PACRG: variants seen among roughly 807,000 people sequenced by gnomAD.
PACRG encodes parkin coregulated gene protein.
PACRG carries 29 observed loss-of-function variants against 29.7 expected under a neutral mutation model. The observed-to-expected ratio is 0.98, with a 90% CI of 0.73 to 1.33. The LOEUF (loss-of-function observed/expected upper bound fraction) is 1.33. Ranked by LOEUF, PACRG falls within the 40% of genes most tolerant of loss-of-function variation. The pLI, the probability that PACRG is intolerant of heterozygous loss-of-function variation, is 0.00. For missense variants in PACRG, 279 were observed against 316.2 expected (o/e 0.88, Z 0.89); for synonymous variants, 116 against 118.7 (o/e 0.98, Z 0.15).
At chr6:162,868,293 G>GCTA (rs10679810) in intron 2 of PACRG, among the ~76,000 whole-genome samples, 21,725 of 152,116 alleles carry the variant, frequency 0.14, 2,261 homozygotes, top group African/African-American at 0.3. Flanking sequence ...CCTTTTCCCC[G>GCTA]CTATTACTAG....
intron 1 of PACRG, 98 bp downstream of exon 1, chr6:162,728,489 C>T: frequency 2.1e-6 from 3 of 1,445,802 alleles, no homozygotes; most frequent in Non-Finnish European, 1.9e-6. Context: ...GAGCCATGTC[C>T]TGGGTGGTCT....
chr6:163,293,677 A>C (rs892151702), intron 4 of PACRG, among the ~76,000 whole-genome samples: 1 of 152,236 alleles, frequency 6.6e-6, no homozygotes, highest in African/African-American at 2.4e-5. Context: ...CAAGATAAAC[A>C]TACATAATGA....
rs554626746 is a variant in PACRG at position 163,120,488 on chromosome 6, A to G, written c.613+31080A>G. Reference sequence around the variant, plus strand: ...GAGTTTGAAGGCCCTGAGACCAGACAGCCACACTGCACAGAGGGGCAGCCT... The same window carrying G: ...GAGTTTGAAGGCCCTGAGACCAGACGGCCACACTGCACAGAGGGGCAGCCT... On this transcript the variant is annotated intron_variant, in intron 4 of 4. Coordinates refer to ENST00000366888, the MANE Select transcript of PACRG (RefSeq NM_001080379.2). Among the ~76,000 whole-genome samples the G allele has an allele frequency of 3.2e-4, 49 of 152,298 alleles. No homozygotes were observed. The Middle Eastern group carries it at 0.014, about 42-fold the overall frequency.
chr6:163,033,793 CAA>C (rs2128230151), intron 2 of PACRG, among the ~76,000 whole-genome samples: 1 of 152,320 alleles, frequency 6.6e-6, no homozygotes, highest in East Asian at 1.9e-4. Flanking sequence ...ACATAGAAGA[CAA>C]GAGGGAAACC....
At chr6:163,167,114 G>A (rs1778846622) in intron 4 of PACRG, among the ~76,000 whole-genome samples, 1 of 152,160 alleles carries the variant, frequency 6.6e-6, no homozygotes, top group African/African-American at 2.4e-5. Context: ...GGGCTAAAAT[G>A]TCTGCACAAT....
At chr6:162,973,509 C>T (rs1801697692) in intron 2 of PACRG, among the ~76,000 whole-genome samples, 1 of 152,188 alleles carries the variant, frequency 6.6e-6, no homozygotes, top group Admixed American at 6.5e-5. Context: ...GACTCCCACT[C>T]TTGCTCTGTA....
chr6:163,100,618 C>G (rs570636645), intron 4 of PACRG: 1 of 274,966 alleles, frequency 3.6e-6, no homozygotes, highest in Non-Finnish European at 5.5e-6. Flanking sequence ...TCACCCAGGT[C>G]GAGGGACCCT....
chr6:163,112,396 T>C (rs981335471), intron 4 of PACRG, among the ~76,000 whole-genome samples: 6 of 152,194 alleles, frequency 3.9e-5, no homozygotes, highest in South Asian at 2.1e-4. Flanking sequence ...CCTCCAAAAC[T>C]TGGGGACCTG....
chr6:162,956,264 C>T (rs1562776256), intron 2 of PACRG, among the ~76,000 whole-genome samples: 1 of 152,144 alleles, frequency 6.6e-6, no homozygotes, highest in African/African-American at 2.4e-5. Flanking sequence ...CATCCTGATG[C>T]ATCAAGAGCC....
At chr6:163,191,621 C>G in intron 4 of PACRG, 1 of 456,124 alleles carries the variant, frequency 2.2e-6, no homozygotes, top group Non-Finnish European at 4.4e-6. Flanking sequence ...CCTCCTGACT[C>G]AGGCACTGTG....
chr6:162,896,798 A>G (rs1426630173), intron 2 of PACRG, among the ~76,000 whole-genome samples: 1 of 152,194 alleles, frequency 6.6e-6, no homozygotes, highest in Non-Finnish European at 1.5e-5. Flanking sequence ...AGTATATTTG[A>G]TTATTTTGTT....
chr6:163,264,818 A>G (rs192709883), intron 4 of PACRG, among the ~76,000 whole-genome samples: 64 of 152,262 alleles, frequency 4.2e-4, no homozygotes, highest in African/African-American at 1.5e-3. Context: ...CCTCTGCCAA[A>G]ACCAATCTGG....
intron 2 of PACRG, among the ~76,000 whole-genome samples, chr6:162,890,447 G>A (rs1465831268): frequency 6.6e-6 from 1 of 152,070 alleles, no homozygotes; most frequent in Non-Finnish European, 1.5e-5. Context: ...TTGTTCTAGT[G>A]TTTTCCCATC....
chr6:163,311,995 C>T (rs1030114369), intron 4 of PACRG, among the ~76,000 whole-genome samples: 4 of 152,096 alleles, frequency 2.6e-5, no homozygotes, highest in African/African-American at 7.2e-5. Context: ...ACTCATATGC[C>T]GACAAAAGGC....
chr6:163,156,830 G>A (rs1200332678), intron 4 of PACRG, among the ~76,000 whole-genome samples: 1 of 152,036 alleles, frequency 6.6e-6, no homozygotes, highest in Non-Finnish European at 1.5e-5. Flanking sequence ...AGCCAGCAAC[G>A]TTGCATCTCC....
chr6:162,782,100 A>G (rs915869198), intron 1 of PACRG, among the ~76,000 whole-genome samples: 9 of 151,872 alleles, frequency 5.9e-5, no homozygotes, highest in Admixed American at 1.3e-4. Context: ...TAATCAAAAG[A>G]CAACTGCGAT....
At chr6:163,131,176 C>T (rs1157384691) in intron 4 of PACRG, among the ~76,000 whole-genome samples, 3 of 151,994 alleles carry the variant, frequency 2.0e-5, no homozygotes, top group Non-Finnish European at 2.9e-5. Flanking sequence ...GGCGTGGTGG[C>T]GGGCGCCTGT....
intron 1 of PACRG, among the ~76,000 whole-genome samples, chr6:162,805,390 C>T (rs191363897): frequency 1.3e-3 from 205 of 152,246 alleles, no homozygotes; most frequent in African/African-American, 4.6e-3. Flanking sequence ...TGCTAACAAT[C>T]ATCTGAGCCT....
chr6:163,212,990 G>C (rs1781215129), intron 4 of PACRG, among the ~76,000 whole-genome samples: 2 of 152,118 alleles, frequency 1.3e-5, no homozygotes, highest in Non-Finnish European at 2.9e-5. Context: ...TTGTTAGCCA[G>C]GATGGTCTTG....
Sources: gnomAD v4.1 joint callset for allele counts (sites outside exome capture counted in the v4.1 genomes callset) on GRCh38, gnomAD v4.1.1 for gene constraint, MANE v1.5 for transcripts, NCBI Gene and HGNC (gene_info 2026-07-23, HGNC 2026-07-21) for gene names.